Variants in FHIT observed in about 807,000 individuals in gnomAD.
The protein encoded by FHIT is fragile histidine triad diadenosine triphosphatase.
Under a neutral mutation model 17.9 loss-of-function variants are expected in FHIT, and 19 were observed. The ratio of observed to expected loss-of-function variants is 1.06; its 90% CI spans 0.74 to 1.56. The LOEUF is 1.56. Ranked by LOEUF, FHIT falls within the 40% of genes most tolerant of loss-of-function variation. FHIT has a pLI of 0.00. For missense variants in FHIT, 248 were observed against 189.2 expected, an observed-to-expected ratio of 1.31 and a Z score of -1.82; for synonymous variants, 81 against 69.7, an observed-to-expected ratio of 1.16 and a Z score of -0.81.
intron 4 of FHIT, among the ~76,000 whole-genome samples, chr3:60,766,412 T>A (rs1699856914): frequency 6.6e-6 from 1 of 152,186 alleles, no homozygotes; most frequent in Admixed American, 6.5e-5. Context: ...CTTGCTTATG[T>A]ACTTCAACAC....
At chr3:60,752,108 A>G (rs1296952432) in intron 4 of FHIT, among the ~76,000 whole-genome samples, 1 of 152,210 alleles carries the variant, frequency 6.6e-6, no homozygotes, top group Non-Finnish European at 1.5e-5. Context: ...GGAAATTTGC[A>G]AAGTTTTAGT....
intron 7 of FHIT, among the ~76,000 whole-genome samples, chr3:59,992,551 A>G (rs1699329413): frequency 6.6e-6 from 1 of 152,102 alleles, no homozygotes; most frequent in African/African-American, 2.4e-5. Flanking sequence ...CAGAGACTGG[A>G]TCAAACAGCT....
At chr3:60,353,875 T>C in intron 5 of FHIT, among the ~76,000 whole-genome samples, 1 of 152,112 alleles carries the variant, frequency 6.6e-6, no homozygotes, top group East Asian at 1.9e-4. Flanking sequence ...ATTCATACAG[T>C]CCTGTTCAGC....
chr3:61,233,337 G>T (rs2040152035), intron 1 of FHIT, among the ~76,000 whole-genome samples: 1 of 152,128 alleles, frequency 6.6e-6, no homozygotes, highest in Non-Finnish European at 1.5e-5. Flanking sequence ...AACCAGTGAA[G>T]GAAATTATGG....
chr3:60,494,074 CATCA>C (rs2034185874), intron 5 of FHIT, among the ~76,000 whole-genome samples: 1 of 152,124 alleles, frequency 6.6e-6, no homozygotes, highest in Non-Finnish European at 1.5e-5. Context: ...TAACAAAATT[CATCA>C]ATCATTTTAA....
chr3:60,351,612 T>C (rs949393155), intron 5 of FHIT, among the ~76,000 whole-genome samples: 10 of 152,218 alleles, frequency 6.6e-5, no homozygotes, highest in African/African-American at 2.4e-5. Flanking sequence ...ATGAGCTAAC[T>C]GATAATACCT....
At chr3:60,121,711 C>CA (rs71909078) in intron 5 of FHIT, among the ~76,000 whole-genome samples, 26,387 of 71,426 alleles carry the variant, frequency 0.37, 2,687 homozygotes, top group African/African-American at 0.43. Context: ...ACAAAACAAA[C>CA]ACACACACAC....
intron 4 of FHIT, among the ~76,000 whole-genome samples, chr3:60,630,289 A>G (rs1437931724): frequency 6.6e-6 from 1 of 152,226 alleles, no homozygotes; most frequent in African/African-American, 2.4e-5. Flanking sequence ...GAGGAAGTCG[A>G]CACCAAAAGA....
chr3:60,415,368 G>C (rs1252376726), intron 5 of FHIT, among the ~76,000 whole-genome samples: 3 of 152,114 alleles, frequency 2.0e-5, no homozygotes, highest in Non-Finnish European at 4.4e-5. Flanking sequence ...TGTAAACTGA[G>C]GGTTTCTGAC....
intron 2 of FHIT, among the ~76,000 whole-genome samples, chr3:61,065,203 C>T (rs1218705245): frequency 6.6e-6 from 1 of 151,980 alleles, no homozygotes; most frequent in Non-Finnish European, 1.5e-5. Context: ...TTTGAGTTTT[C>T]ACAGTGAGTA....
chr3:60,182,993 C>G (rs1337282096), intron 5 of FHIT, among the ~76,000 whole-genome samples: 1 of 151,944 alleles, frequency 6.6e-6, no homozygotes, highest in Non-Finnish European at 1.5e-5. Context: ...GACAACTCCC[C>G]CTCTGCCCAT....
chr3:59,821,323 T>C (rs188515585), intron 8 of FHIT, among the ~76,000 whole-genome samples: 10 of 152,328 alleles, frequency 6.6e-5, no homozygotes, highest in African/African-American at 2.2e-4. Context: ...TGTTGGCTTT[T>C]ATAAGAGGTC....
At chr3:61,038,652 G>A (rs149163033) in intron 3 of FHIT, among the ~76,000 whole-genome samples, 3 of 152,244 alleles carry the variant, frequency 2.0e-5, no homozygotes, top group African/African-American at 7.2e-5. Flanking sequence ...TGTTACAGCT[G>A]CATTCTGAAA....
intron 5 of FHIT, 120 bp from the exon 6 acceptor site, chr3:60,014,272 A>AT (rs1700256699): frequency 1.1e-6 from 1 of 901,536 alleles, no homozygotes; most frequent in East Asian, 2.6e-5. Flanking sequence ...AGACTAAGGA[A>AT]TGAAGAAACA....
intron 4 of FHIT, among the ~76,000 whole-genome samples, chr3:60,714,728 G>A (rs1173955783): frequency 6.6e-6 from 1 of 152,084 alleles, no homozygotes; most frequent in African/African-American, 2.4e-5. Context: ...AACTTACAAG[G>A]GACGTGAAGG....
intron 4 of FHIT, among the ~76,000 whole-genome samples, chr3:60,554,767 A>G (rs1376145724): frequency 6.6e-6 from 1 of 152,256 alleles, no homozygotes; most frequent in Non-Finnish European, 1.5e-5. Flanking sequence ...AGTTCCCAAC[A>G]TAAGTGAATA....
intron 3 of FHIT, among the ~76,000 whole-genome samples, chr3:60,967,630 G>A (rs949822929): frequency 6.6e-6 from 1 of 152,150 alleles, no homozygotes; most frequent in African/African-American, 2.4e-5. Context: ...CAATGTTTAA[G>A]TTTTAGGAGC....
At chr3:60,211,311 G>T (rs1048627273) in intron 5 of FHIT, among the ~76,000 whole-genome samples, 1 of 151,908 alleles carries the variant, frequency 6.6e-6, no homozygotes, top group Non-Finnish European at 1.5e-5. Context: ...TGTATATATT[G>T]TATTTGTATT....
intron 8 of FHIT, among the ~76,000 whole-genome samples, chr3:59,812,420 T>C (rs1418468920): frequency 2.6e-5 from 4 of 152,178 alleles, no homozygotes; most frequent in Non-Finnish European, 5.9e-5. Context: ...ACACTCAGGG[T>C]AACGGCAGCT....
Sources: allele counts gnomAD v4.1 joint callset (sites outside exome capture counted in the v4.1 genomes callset), GRCh38; gene constraint gnomAD v4.1.1; transcripts MANE v1.5; gene names NCBI Gene and HGNC (gene_info 2026-07-23, HGNC 2026-07-21).